The following IPO8 variants were observed in gnomAD, a reference collection of about 807,000 sequenced individuals.
The protein encoded by IPO8 is importin-8.
Under a neutral mutation model 141.2 loss-of-function variants are expected in IPO8, and 65 were observed. That is an observed-to-expected ratio of 0.46 (90% CI 0.38 to 0.57). The LOEUF is 0.57. Ranked by LOEUF, IPO8 falls within the 20% of genes least tolerant of loss-of-function variation. IPO8 has a pLI of 0.00. For synonymous variants in IPO8, 411 were observed against 420.3 expected (o/e 0.98, Z 0.27); for missense variants, 980 against 1,246.8 (o/e 0.79, Z 3.22).
At chr12:30,637,753 A>G (rs1169117392) in intron 21 of IPO8, among the ~76,000 whole-genome samples, 3 of 152,202 alleles carry the variant, frequency 2.0e-5, no homozygotes, top group African/African-American at 7.2e-5. Flanking sequence ...TTCAGAAAGA[A>G]AAAAAGTTTG....
chr12:30,669,277 G>T lies in IPO8; in HGVS notation c.1050C>A (p.Ile350=). 6 of 1,475,524 alleles carry T rather than the reference G, an allele frequency of 4.1e-6. No homozygotes were observed. Among genetic ancestry groups the T allele is most frequent in the Non-Finnish European group, 5.5e-6 (6 of 1,081,994 alleles). 91.4% of individuals were successfully genotyped at this position (1,475,524 alleles called of 1,614,324 possible). The change falls in exon 10 of 25, where the codon ATC becomes ATA. Residue 350 remains isoleucine (I), a synonymous_variant. Coordinates refer to ENST00000256079, the MANE Select transcript of IPO8 (RefSeq NM_006390.4). ...WKQMKPHIQN[I]SEDVIFSVMC... is the part of the protein sequence containing the mutation. Reference sequence around the variant, plus strand: ...TCACAGAAAAAATCACATCTTCAGAGATATTCTAAAATGAGAAAAAAAAAA... The same window carrying T: ...TCACAGAAAAAATCACATCTTCAGATATATTCTAAAATGAGAAAAAAAAAA...
In IPO8 at chr12:30,661,319, G is replaced by T. The variant is rs150656809; in HGVS notation, c.1756-53C>A. ...CAATTAGTAGTACTGTTACGTCCCC[G>T]CTTTACAAAAGTTAGCAAAATGGCA... On this transcript the variant is annotated intron_variant, in intron 15 of 24. Transcript: ENST00000256079. 9.5e-6 allele frequency: 14 copies of T among 1,472,052 alleles called. No homozygotes were observed. The South Asian group carries it at 2.1e-4, about 22-fold the overall frequency. 91.2% of individuals were successfully genotyped at this position (1,472,052 alleles called of 1,614,324 possible).
At chr12:30,670,861 T>C in intron 9 of IPO8, 101 bp downstream of exon 9, 1 of 888,542 alleles carries the variant, frequency 1.1e-6, no homozygotes, top group Non-Finnish European at 1.7e-6. Flanking sequence ...GTAAAATGTA[T>C]ATATATAAAA....
chr12:30,642,143 C>T (rs1445070498), intron 20 of IPO8, among the ~76,000 whole-genome samples: 1 of 151,904 alleles, frequency 6.6e-6, no homozygotes, highest in East Asian at 1.9e-4. Flanking sequence ...TTGCAGTGAG[C>T]CGAGATCAAG....
intron 13 of IPO8, among the ~76,000 whole-genome samples, chr12:30,664,150 C>A (rs1284662277): frequency 6.6e-6 from 1 of 152,114 alleles, no homozygotes; most frequent in East Asian, 1.9e-4. Context: ...TTATATTTTA[C>A]TCTCTGTGTG....
At chr12:30,668,444 A>G (rs895818666) in intron 10 of IPO8, among the ~76,000 whole-genome samples, 1 of 152,192 alleles carries the variant, frequency 6.6e-6, no homozygotes, top group Non-Finnish European at 1.5e-5. Context: ...TTCTTTCAAC[A>G]TGTATTGAAG....
intron 16 of IPO8, among the ~76,000 whole-genome samples, 196 bp downstream of exon 16, chr12:30,660,945 C>T (rs1591832901): frequency 3.1e-5 from 1 of 32,748 alleles, no homozygotes; most frequent in African/African-American, 2.3e-4. Context: ...TATAATATTA[C>T]AAATATTATG....
chr12:30,666,039 G>T, intron 11 of IPO8, 136 bp downstream of exon 11: 1 of 658,680 alleles, frequency 1.5e-6, no homozygotes, highest in Non-Finnish European at 2.5e-6. Flanking sequence ...CTCACCAGGA[G>T]AGGAAAAAAA....
At chr12:30,671,858 A>C (rs1703782043) in intron 8 of IPO8, among the ~76,000 whole-genome samples, 1 of 152,006 alleles carries the variant, frequency 6.6e-6, no homozygotes, top group African/African-American at 2.4e-5. Context: ...CCCTGAAAAA[A>C]TTTAAATTAA....
At chr12:30,688,362 G>A in intron 2 of IPO8, 1 of 408,540 alleles carries the variant, frequency 2.4e-6, no homozygotes, top group East Asian at 8.4e-5. Flanking sequence ...ACATTCACCA[G>A]TGAGCACGCT....
rs2052419613 is a variant in IPO8 at position 30,630,761 on chromosome 12, G to A, written c.*99C>T. ...CAGATGGTAACTGGCACAGCAGGAGGGCCCTAAAAGCAGCCCCTCATTTCA... is the reference window on the plus strand; with the variant it reads ...CAGATGGTAACTGGCACAGCAGGAGAGCCCTAAAAGCAGCCCCTCATTTCA... On this transcript the variant is annotated 3_prime_UTR_variant, in exon 25 of 25. Coordinates refer to ENST00000256079, the MANE Select transcript of IPO8 (RefSeq NM_006390.4). 1.2e-6 allele frequency: 1 copy of A among 859,816 alleles called. No homozygotes were observed. The highest frequency in any genetic ancestry group is 1.7e-5 in the African/African-American group (1 of 59,038). The allele number at this position is 859,816 out of a possible 1,614,324, so 53.3% of individuals were successfully genotyped here.
chr12:30,689,728 A>G (rs987150617), intron 2 of IPO8, among the ~76,000 whole-genome samples: 1 of 152,226 alleles, frequency 6.6e-6, no homozygotes, highest in Non-Finnish European at 1.5e-5. Flanking sequence ...ATGATGAGTA[A>G]TGATGGCCAT....
Position 30,695,318 on chromosome 12 carries a change from T to G in IPO8, c.84+246A>C, listed in dbSNP as rs2053327763. Among the ~76,000 whole-genome samples, 1 of 152,146 alleles carries G rather than the reference T, an allele frequency of 6.6e-6. No homozygotes were observed. Among genetic ancestry groups the G allele is most frequent in the Admixed American group, 6.5e-5 (1 of 15,282 alleles). On this transcript the variant is annotated intron_variant, in intron 1 of 24. Transcript: ENST00000256079. The surrounding 1 kb of genome is among the most constrained non-coding windows in gnomAD (Gnocchi z 4.2). ...ACCAAGTAGGCAGAACAAACTGCCC[T>G]GGAGAAGGGAGACGACACGAAAAGG...
chr12:30,667,742 T>C (rs1035672444), intron 10 of IPO8, among the ~76,000 whole-genome samples: 2 of 152,232 alleles, frequency 1.3e-5, no homozygotes, highest in East Asian at 1.9e-4. Flanking sequence ...TCAACAGACA[T>C]AGAGTTCTTA....
chr12:30,636,595 T>G (rs1338843363), intron 22 of IPO8, among the ~76,000 whole-genome samples: 1 of 152,172 alleles, frequency 6.6e-6, no homozygotes, highest in Admixed American at 6.5e-5. Context: ...TACTAACACT[T>G]CAGCTCTTAA....
At chr12:30,680,324 A>G (rs938061541) in intron 5 of IPO8, 158 bp downstream of exon 5, 4 of 556,520 alleles carry the variant, frequency 7.2e-6, no homozygotes, top group African/African-American at 3.8e-5. Flanking sequence ...ATCTTGGGTA[A>G]TTAATTTCTG....
At chr12:30,632,033 A>G in intron 23 of IPO8, 22 bp from the exon 24 acceptor site, 1 of 1,512,764 alleles carries the variant, frequency 6.6e-7, no homozygotes. Context: ...TGGGAGGAAA[A>G]GACAGGAGGG....
Position 30,663,578 on chromosome 12 carries a change from G to A in IPO8, c.1505C>T (p.Ala502Val), listed in dbSNP as rs749430025. ...ELNLRNAVEL[A>V]KKSLIEDKEM... is the part of the protein sequence containing the mutation. Reference sequence around the variant, plus strand: ...TTTATCTTCAATCAGGCTCTTCTTCGCTAATTCAACGGCATTTCTTAGATT... The same window carrying A: ...TTTATCTTCAATCAGGCTCTTCTTCACTAATTCAACGGCATTTCTTAGATT... Residue 502 changes from alanine (A) to valine (V), a missense_variant, in exon 14 of 25, where the codon GCG becomes GTG. Around this residue, in one of 3 missense-constraint regions of IPO8, gnomAD observed 924 missense variants for 1,153.9 expected, o/e 0.80. Coordinates refer to ENST00000256079, the MANE Select transcript of IPO8 (RefSeq NM_006390.4). 153 of 1,613,270 alleles carry A rather than the reference G, an allele frequency of 9.5e-5. No homozygotes were observed. Among genetic ancestry groups the A allele is most frequent in the Non-Finnish European group, 1.2e-4 (143 of 1,179,732 alleles).
chr12:30,645,132 G>C (rs1417216551), intron 20 of IPO8, among the ~76,000 whole-genome samples: 1 of 151,918 alleles, frequency 6.6e-6, no homozygotes, highest in African/African-American at 2.4e-5. Flanking sequence ...CCAGCACTTT[G>C]GGGGGCTGAG....
Sources: gnomAD v4.1 joint callset for allele counts (sites outside exome capture counted in the v4.1 genomes callset) on GRCh38, gnomAD v4.1.1 for gene constraint, gnomAD v4.1.1 regional missense constraint, Gnocchi (gnomAD v3.1) non-coding constraint, MANE v1.5 for transcripts, NCBI Gene and HGNC (gene_info 2026-07-23, HGNC 2026-07-21) for gene names.